ELP4: variants seen among roughly 807,000 people sequenced by gnomAD.
ELP4 encodes the protein elongator complex protein 4.
ELP4 carries 51 observed loss-of-function variants against 48.9 expected under a neutral mutation model. The ratio of observed to expected loss-of-function variants is 1.04; its 90% CI spans 0.83 to 1.32. ELP4 has a LOEUF of 1.32. Ranked by LOEUF, ELP4 falls within the 40% of genes most tolerant of loss-of-function variation. The pLI, the probability that ELP4 is intolerant of heterozygous loss-of-function variation, is 0.00. For synonymous variants in ELP4, 210 were observed against 189.2 expected (o/e 1.11, Z -0.90); for missense variants, 519 against 514.6 (o/e 1.01, Z -0.08).
chr11:31,641,063 A>G (rs1945084405), intron 7 of ELP4, among the ~76,000 whole-genome samples: 1 of 152,002 alleles, frequency 6.6e-6, no homozygotes, highest in Non-Finnish European at 1.5e-5. Flanking sequence ...ATTAACTTAC[A>G]TTGAAAATCA....
rs537490792 is a variant in ELP4 at position 31,613,873 on chromosome 11, T to C, written c.653+9966T>C. Among the ~76,000 whole-genome samples the C allele has an allele frequency of 2.0e-5, 3 of 151,972 alleles. No homozygotes were observed. In the East Asian group the frequency reaches 5.8e-4, roughly 29 times the overall value. ...ACAGGCGCACACCACCACACCTGGCTAATTTTTTTGTATTTTTAATAGAGA... is the reference window on the plus strand; with the variant it reads ...ACAGGCGCACACCACCACACCTGGCCAATTTTTTTGTATTTTTAATAGAGA... On this transcript the variant is annotated intron_variant, in intron 5 of 9. Transcript: ENST00000640961.
chr11:31,558,003 AT>A (rs1193091964), intron 3 of ELP4, among the ~76,000 whole-genome samples: 1 of 152,110 alleles, frequency 6.6e-6, no homozygotes, highest in African/African-American at 2.4e-5. Flanking sequence ...AGGCAGAGCT[AT>A]AATCAGAATA....
At chr11:31,780,535 G>C (rs1948348042) in intron 9 of ELP4, 1 of 152,154 alleles carries the variant, frequency 6.6e-6, no homozygotes. Context: ...GTAGCATTTG[G>C]TTAAAAGCAG....
intron 7 of ELP4, chr11:31,632,637 CCTAT>C (rs1393464555): frequency 7.8e-6 from 3 of 385,056 alleles, no homozygotes; most frequent in Non-Finnish European, 4.6e-6. Context: ...TAATTTTCCT[CCTAT>C]CTATGACTTG....
chr11:31,639,793 A>G (rs1037156800), intron 7 of ELP4, among the ~76,000 whole-genome samples: 2 of 151,940 alleles, frequency 1.3e-5, no homozygotes, highest in Admixed American at 6.6e-5. Flanking sequence ...TAACCAAAAC[A>G]TATTCAGTAA....
At chr11:31,546,252 G>A (rs1013149437) in intron 3 of ELP4, among the ~76,000 whole-genome samples, 1 of 151,948 alleles carries the variant, frequency 6.6e-6, no homozygotes, top group Admixed American at 6.6e-5. Flanking sequence ...CTCACATGCA[G>A]AGACACACAT....
chr11:31,787,548 C>T lies in ELP4; in HGVS notation c.*4024C>T, dbSNP rs1482148135. ...TCTGACAGTTCCCTCAGCACACAGCCCTCAGGGAATGTAGGCTGCAAAATG... is the reference window on the plus strand; with the variant it reads ...TCTGACAGTTCCCTCAGCACACAGCTCTCAGGGAATGTAGGCTGCAAAATG... On this transcript the variant is annotated 3_prime_UTR_variant, in exon 10 of 10. Coordinates refer to ENST00000640961, the MANE Select transcript of ELP4 (RefSeq NM_019040.5). 2.1e-5 allele frequency: 5 copies of T among 232,780 alleles called. No homozygotes were observed. The highest frequency in any genetic ancestry group is 4.2e-5 in the Non-Finnish European group (5 of 117,816). 14.4% of individuals were successfully genotyped at this position (232,780 alleles called of 1,614,324 possible). A position where few individuals can be genotyped will look rare whatever the true frequency, so the allele number is the denominator to read the frequency against.
chr11:31,718,434 A>G (rs941162986), intron 9 of ELP4, among the ~76,000 whole-genome samples: 1 of 152,244 alleles, frequency 6.6e-6, no homozygotes, highest in African/African-American at 2.4e-5. Flanking sequence ...AAACATAGTT[A>G]TGGAAAACAC....
intron 3 of ELP4, among the ~76,000 whole-genome samples, chr11:31,542,352 G>A (rs1956605874): frequency 6.6e-6 from 1 of 152,192 alleles, no homozygotes; most frequent in Admixed American, 6.5e-5. Flanking sequence ...TGCATCGAGT[G>A]AGTTAGAGAT....
chr11:31,742,163 G>C (rs1947469611), intron 9 of ELP4, among the ~76,000 whole-genome samples: 1 of 152,126 alleles, frequency 6.6e-6, no homozygotes, highest in African/African-American at 2.4e-5. Context: ...AAGATGAAAT[G>C]AATGAAATGA....
chr11:31,519,035 G>A (rs891877250), intron 1 of ELP4, among the ~76,000 whole-genome samples: 7 of 151,644 alleles, frequency 4.6e-5, no homozygotes, highest in African/African-American at 1.7e-4. Flanking sequence ...GGCTGGTTTT[G>A]AACTCCTGAC....
At chr11:31,573,095 A>G (rs1249555781) in intron 3 of ELP4, among the ~76,000 whole-genome samples, 1 of 152,218 alleles carries the variant, frequency 6.6e-6, no homozygotes, top group Non-Finnish European at 1.5e-5. Flanking sequence ...TAATTTACAT[A>G]TAATTTTATC....
chr11:31,772,214 G>A (rs1948160850), intron 9 of ELP4, among the ~76,000 whole-genome samples: 1 of 151,264 alleles, frequency 6.6e-6, no homozygotes, highest in Admixed American at 6.6e-5. Context: ...CCACATCCCG[G>A]GTTCAAGCGG....
At chr11:31,725,924 A>C (rs570377626) in intron 9 of ELP4, among the ~76,000 whole-genome samples, 1 of 152,350 alleles carries the variant, frequency 6.6e-6, no homozygotes, top group African/African-American at 2.4e-5. Context: ...ATGCAGCGTC[A>C]AGTTCTTGAG....
intron 9 of ELP4, among the ~76,000 whole-genome samples, chr11:31,722,707 TTCTCTCTCTCTCTC>T (rs769685133): frequency 1.3e-5 from 1 of 78,576 alleles, no homozygotes; most frequent in Non-Finnish European, 2.3e-5. Context: ...GTCTCTCTCT[TTCTCTCTCTCTCTC>T]TCTCTTTCTC....
rs896491668 is a variant in ELP4 at position 31,722,937 on chromosome 11, C to T, written c.1144-60456C>T. Among the ~76,000 whole-genome samples, 18 of 152,240 alleles carry T rather than the reference C, an allele frequency of 1.2e-4. No individual in the cohort carries two copies. In the South Asian group the frequency reaches 3.3e-3, roughly 28 times the overall value. On this transcript the variant is annotated intron_variant, in intron 9 of 9. Transcript: ENST00000640961. ...CTGTGGTCACCAGAAGTGGGGAAGT[C>T]GAGCCAGGCATCACCCTCCCACAGG...
intron 9 of ELP4, among the ~76,000 whole-genome samples, chr11:31,687,303 A>G (rs1946181540): frequency 6.6e-6 from 1 of 152,202 alleles, no homozygotes; most frequent in African/African-American, 2.4e-5. Flanking sequence ...AGACATTAGA[A>G]CATGTAAGAT....
At chr11:31,693,918 A>G (rs1034215373) in intron 9 of ELP4, among the ~76,000 whole-genome samples, 1 of 152,182 alleles carries the variant, frequency 6.6e-6, no homozygotes, top group African/African-American at 2.4e-5. Context: ...GTCAGTGATG[A>G]TGAGCATTTT....
At chr11:31,539,811 A>G (rs750017207) in intron 3 of ELP4, 28 bp downstream of exon 3, 3 of 1,546,874 alleles carry the variant, frequency 1.9e-6, no homozygotes, top group Non-Finnish European at 8.7e-7. Flanking sequence ...TTAATATTGC[A>G]TTTTGAATGT....
Sources: allele counts gnomAD v4.1 joint callset (sites outside exome capture counted in the v4.1 genomes callset), GRCh38; gene constraint gnomAD v4.1.1; transcripts MANE v1.5; gene names NCBI Gene and HGNC (gene_info 2026-07-23, HGNC 2026-07-21).